Variants in WDR7 observed in about 807,000 individuals in gnomAD.
The protein encoded by WDR7 is WD repeat-containing protein 7.
A neutral mutation model predicts 169.4 loss-of-function variants in WDR7; 46 were observed. The observed-to-expected ratio is 0.27, with a 90% CI of 0.21 to 0.35. The LOEUF (loss-of-function observed/expected upper bound fraction) is 0.35, where lower values mean the gene tolerates loss of function less well. Among genes scored for constraint, WDR7 ranks in the 10% least tolerant of loss-of-function variants. WDR7 has a pLI of 1.00. For synonymous variants in WDR7, 612 were observed against 666.8 expected (o/e 0.92, Z 1.27); for missense variants, 1,534 against 1,859.3 (o/e 0.83, Z 3.22).
intron 14 of WDR7, among the ~76,000 whole-genome samples, chr18:56,755,118 T>C (rs2043864459): frequency 6.6e-6 from 1 of 151,960 alleles, no homozygotes; most frequent in African/African-American, 2.4e-5. Flanking sequence ...CTTTTGGCAA[T>C]AGTATTATTG....
At chr18:56,670,115 GT>G (rs1243949548) in intron 1 of WDR7, among the ~76,000 whole-genome samples, 1 of 151,508 alleles carries the variant, frequency 6.6e-6, no homozygotes, top group African/African-American at 2.4e-5. Context: ...CCTTTTTTTT[GT>G]TTTTGTTTTG....
chr18:56,752,396 T>G (rs1260624667), intron 14 of WDR7, among the ~76,000 whole-genome samples: 1 of 152,214 alleles, frequency 6.6e-6, no homozygotes, highest in African/African-American at 2.4e-5. Context: ...TCACCCGAGA[T>G]GGAGCTGGTA....
intron 25 of WDR7, among the ~76,000 whole-genome samples, chr18:56,951,707 C>A (rs1354242949): frequency 6.6e-6 from 1 of 152,046 alleles, no homozygotes; most frequent in Non-Finnish European, 1.5e-5. Context: ...TATATGCACA[C>A]TATATGTATA....
intron 18 of WDR7, among the ~76,000 whole-genome samples, chr18:56,781,090 T>A (rs1485271386): frequency 2.6e-5 from 4 of 152,244 alleles, no homozygotes; most frequent in Non-Finnish European, 4.4e-5. Flanking sequence ...AGTATCTACT[T>A]AGCATATATA....
At chr18:56,989,608 G>A (rs760583821) in intron 26 of WDR7, among the ~76,000 whole-genome samples, 16 of 152,240 alleles carry the variant, frequency 1.1e-4, no homozygotes, top group South Asian at 2.1e-4. Context: ...CTTCCCTGGC[G>A]AAGTGAAAGA....
intron 1 of WDR7, among the ~76,000 whole-genome samples, chr18:56,671,913 T>A (rs1381418104): frequency 6.6e-6 from 1 of 152,222 alleles, no homozygotes; most frequent in African/African-American, 2.4e-5. Context: ...TCATAATTAC[T>A]GTCTAGTGGT....
At chr18:56,873,138 T>G (rs1479983228) in intron 20 of WDR7, among the ~76,000 whole-genome samples, 1 of 152,234 alleles carries the variant, frequency 6.6e-6, no homozygotes, top group African/African-American at 2.4e-5. Context: ...ACCTCTTTCC[T>G]TGTTAATGAA....
At chr18:56,752,637 G>A (rs148060457) in intron 14 of WDR7, among the ~76,000 whole-genome samples, 197 of 152,294 alleles carry the variant, frequency 1.3e-3, no homozygotes, top group South Asian at 2.5e-3. Flanking sequence ...GATTTGGAAA[G>A]TCTTGATTTT....
chr18:56,871,893 A>C (rs2045957811), intron 20 of WDR7, among the ~76,000 whole-genome samples: 1 of 152,092 alleles, frequency 6.6e-6, no homozygotes, highest in African/African-American at 2.4e-5. Flanking sequence ...TTTAATTTTT[A>C]CTAGAAATTT....
At chr18:56,716,140 A>T (rs1176503130) in intron 12 of WDR7, among the ~76,000 whole-genome samples, 15 of 150,512 alleles carry the variant, frequency 1.0e-4, no homozygotes, top group Non-Finnish European at 2.1e-4. Context: ...TGATTTGTTA[A>T]TTATAAAACT....
intron 2 of WDR7, among the ~76,000 whole-genome samples, chr18:56,677,916 T>C (rs2025276039): frequency 1.3e-5 from 2 of 152,170 alleles, no homozygotes; most frequent in South Asian, 4.1e-4. Flanking sequence ...TGAGGCTATT[T>C]TCTAGATCCT....
chr18:56,781,700 T>A (rs1413818280), intron 19 of WDR7, 44 bp downstream of exon 19: 2 of 1,487,970 alleles, frequency 1.3e-6, no homozygotes, highest in African/African-American at 2.9e-5. Context: ...CAGGAATATG[T>A]AGAAAAGGTA....
chr18:56,835,066 T>C (rs1254331516), intron 20 of WDR7, among the ~76,000 whole-genome samples: 1 of 152,170 alleles, frequency 6.6e-6, no homozygotes, highest in Non-Finnish European at 1.5e-5. Flanking sequence ...CTCTCCAATA[T>C]GGTTTTTCAA....
At chr18:56,860,209 A>G (rs2045782823) in intron 20 of WDR7, among the ~76,000 whole-genome samples, 1 of 152,182 alleles carries the variant, frequency 6.6e-6, no homozygotes, top group African/African-American at 2.4e-5. Flanking sequence ...TTGAGGGAAC[A>G]CTAAAATTAA....
chr18:56,854,543 C>G (rs2045689586), intron 20 of WDR7, among the ~76,000 whole-genome samples: 1 of 152,182 alleles, frequency 6.6e-6, no homozygotes, highest in South Asian at 2.1e-4. Context: ...ATAGGCATGA[C>G]TGAAGCATGG....
chr18:56,717,222 CTTTAATT>C (rs552590763), intron 12 of WDR7, among the ~76,000 whole-genome samples: 279 of 152,232 alleles, frequency 1.8e-3, no homozygotes, highest in African/African-American at 6.4e-3. Context: ...GAAATCTAGA[CTTTAATT>C]TTTAATTTTT....
intron 26 of WDR7, among the ~76,000 whole-genome samples, chr18:56,994,383 T>TATGTA (rs200335919): frequency 3.3e-5 from 5 of 151,924 alleles, no homozygotes; most frequent in African/African-American, 1.2e-4. Context: ...GTATGTTCTG[T>TATGTA]TGAAGTAAGT....
intron 22 of WDR7, among the ~76,000 whole-genome samples, chr18:56,933,202 C>T (rs976622517): frequency 2.0e-5 from 3 of 152,152 alleles, no homozygotes; most frequent in Admixed American, 2.0e-4. Context: ...TGAACTACAG[C>T]AGGAGTAACA....
At chr18:56,905,178 T>C (rs1352063662) in intron 21 of WDR7, among the ~76,000 whole-genome samples, 2 of 152,220 alleles carry the variant, frequency 1.3e-5, no homozygotes, top group African/African-American at 4.8e-5. Flanking sequence ...TGAGATAGTC[T>C]TGCTCTGTCA....
Sources: gnomAD v4.1 joint callset for allele counts (sites outside exome capture counted in the v4.1 genomes callset) on GRCh38, gnomAD v4.1.1 for gene constraint, MANE v1.5 for transcripts, NCBI Gene and HGNC (gene_info 2026-07-23, HGNC 2026-07-21) for gene names.